Variants in SEMA3E observed in about 807,000 individuals in gnomAD.
SEMA3E encodes semaphorin-3E.
SEMA3E carries 49 observed loss-of-function variants against 93.6 expected under a neutral mutation model. The observed-to-expected ratio is 0.52, with a 90% CI of 0.42 to 0.66. The LOEUF (loss-of-function observed/expected upper bound fraction) is 0.66, where lower values mean the gene tolerates loss of function less well. Among genes scored for constraint, SEMA3E ranks in the 30% least tolerant of loss-of-function variants. The pLI, the probability that SEMA3E is intolerant of heterozygous loss-of-function variation, is 0.00. For synonymous variants in SEMA3E, 363 were observed against 330.7 expected, an observed-to-expected ratio of 1.10 and a Z score of -1.06; for missense variants, 906 against 964.8, an observed-to-expected ratio of 0.94 and a Z score of 0.81.
chr7:83,569,899 C>T (rs1470729074), intron 1 of SEMA3E, among the ~76,000 whole-genome samples: 3 of 152,126 alleles, frequency 2.0e-5, no homozygotes, highest in East Asian at 3.9e-4. Context: ...GAATACTCCA[C>T]CTAACAACCA....
In SEMA3E at chr7:83,561,319, T is replaced by C. The variant is rs11973500; in HGVS notation, c.116-71045A>G. ...TTATTCAAGTAAAAAATTATTCATC[T>C]TTCTATTCTCCATGTGCGATAAAAT... On this transcript the variant is annotated intron_variant, in intron 1 of 16. Transcript: ENST00000643230. Among the ~76,000 whole-genome samples the C allele has an allele frequency of 6.1e-3, 931 of 152,236 alleles. 9 individuals are homozygous for C. The highest frequency in any genetic ancestry group is 0.022 in the African/African-American group (896 of 41,562).
chr7:83,536,688 A>G (rs1791416528), intron 1 of SEMA3E, among the ~76,000 whole-genome samples: 1 of 152,158 alleles, frequency 6.6e-6, no homozygotes. Flanking sequence ...TAAAAAAACA[A>G]AACCAGACAA....
At chr7:83,605,476 G>C (rs1328364298) in intron 1 of SEMA3E, among the ~76,000 whole-genome samples, 4 of 151,142 alleles carry the variant, frequency 2.6e-5, no homozygotes, top group Admixed American at 2.6e-4. Flanking sequence ...TGTTGCCCAG[G>C]CTGGAGCACA....
intron 1 of SEMA3E, among the ~76,000 whole-genome samples, chr7:83,609,176 TACTC>T (rs1429488261): frequency 2.0e-5 from 3 of 152,016 alleles, no homozygotes; most frequent in Admixed American, 6.6e-5. Flanking sequence ...GTTCAAAAAA[TACTC>T]AATAGTACAA....
chr7:83,500,802 G>A lies in SEMA3E; in HGVS notation c.116-10528C>T, dbSNP rs540092095. On this transcript the variant is annotated intron_variant, in intron 1 of 16. Transcript: ENST00000643230. Reference sequence around the variant, plus strand: ...GATGGGGTTTCACCATGTTGGTCAGGCTGGTCTCGAACTCCTAACCTCAAG... The same window carrying A: ...GATGGGGTTTCACCATGTTGGTCAGACTGGTCTCGAACTCCTAACCTCAAG... 1.6e-3 allele frequency among the ~76,000 whole-genome samples: 244 copies of A among 151,930 alleles called. 2 individuals are homozygous for A. Among genetic ancestry groups the A allele is most frequent in the African/African-American group, 5.7e-3 (236 of 41,472 alleles).
chr7:83,574,474 G>A (rs201044216), intron 1 of SEMA3E, among the ~76,000 whole-genome samples: 1 of 52,102 alleles, frequency 1.9e-5, no homozygotes, highest in African/African-American at 1.6e-4. Flanking sequence ...AAAAAAAAGA[G>A]AGAGAGAGAC....
intron 5 of SEMA3E, among the ~76,000 whole-genome samples, chr7:83,410,438 T>A (rs2723041): frequency 6.6e-6 from 1 of 151,832 alleles, no homozygotes; most frequent in African/African-American, 2.4e-5. Flanking sequence ...ACTAAATGAC[T>A]ATTTAAATCT....
rs199791956 is a variant in SEMA3E, at chr7:83,427,206, TTC to T, written c.457-8725_457-8724del. ...TTCCTTCCTTCCTTTCCTTCTTTTT[TTC>T]TTTTTTCTTTCTTTCTTTCCTTCCT... On this transcript the variant is annotated intron_variant, in intron 4 of 16. Transcript: ENST00000643230. Among the ~76,000 whole-genome samples the T allele has an allele frequency of 7.9e-3, 1,208 of 152,142 alleles. 7 individuals carry two copies. The highest frequency in any genetic ancestry group is 0.013 in the Non-Finnish European group (916 of 67,970).
At chr7:83,370,555 T>C (rs916130218) in intron 16 of SEMA3E, among the ~76,000 whole-genome samples, 1 of 152,142 alleles carries the variant, frequency 6.6e-6, no homozygotes, top group African/African-American at 2.4e-5. Flanking sequence ...TCTTCCCTTT[T>C]TTTCTGTTTC....
intron 1 of SEMA3E, among the ~76,000 whole-genome samples, chr7:83,646,109 G>A (rs1794076557): frequency 6.6e-6 from 1 of 152,024 alleles, no homozygotes; most frequent in Admixed American, 6.6e-5. Flanking sequence ...TGGTCAGGCA[G>A]CGGTACAGAG....
Position 83,583,264 on chromosome 7 carries a change from G to A in SEMA3E, c.115+65164C>T, listed in dbSNP as rs114494778. Among the ~76,000 whole-genome samples the A allele has an allele frequency of 8.5e-3, 1,301 of 152,248 alleles. 12 individuals carry two copies. Among genetic ancestry groups the A allele is most frequent in the African/African-American group, 0.03 (1,240 of 41,554 alleles). ...TGATTGTACATATTTATGGGGTACAGTGTGATATTTTGATACATATATGCA... is the reference window on the plus strand; with the variant it reads ...TGATTGTACATATTTATGGGGTACAATGTGATATTTTGATACATATATGCA... On this transcript the variant is annotated intron_variant, in intron 1 of 16. Transcript: ENST00000643230.
intron 16 of SEMA3E, 92 bp downstream of exon 16, chr7:83,385,202 G>T: frequency 7.1e-7 from 1 of 1,413,088 alleles, no homozygotes; most frequent in Non-Finnish European, 9.9e-7. Context: ...ACAACAGCTA[G>T]CTTCATTTTT....
At chr7:83,512,113 C>A (rs1790837652) in intron 1 of SEMA3E, among the ~76,000 whole-genome samples, 1 of 151,778 alleles carries the variant, frequency 6.6e-6, no homozygotes, top group Non-Finnish European at 1.5e-5. Flanking sequence ...GGTTTTAGGC[C>A]CCTAAAGACA....
intron 1 of SEMA3E, among the ~76,000 whole-genome samples, chr7:83,552,836 A>G (rs953552731): frequency 2.0e-5 from 3 of 152,156 alleles, no homozygotes; most frequent in Non-Finnish European, 2.9e-5. Flanking sequence ...TAAGATATTT[A>G]TCAAGACAAT....
At chr7:83,414,707 G>A (rs879046495) in intron 5 of SEMA3E, among the ~76,000 whole-genome samples, 1 of 151,952 alleles carries the variant, frequency 6.6e-6, no homozygotes, top group South Asian at 2.1e-4. Context: ...ACTTTGAAAA[G>A]CATCCCTAAA....
At chr7:83,462,302 GTGGGTA>G (rs1395885981) in intron 4 of SEMA3E, 3 of 152,150 alleles carry the variant, frequency 2.0e-5, no homozygotes, top group Non-Finnish European at 4.4e-5. Flanking sequence ...CATAACTGTT[GTGGGTA>G]TTGACAGCTA....
chr7:83,618,337 TTA>T (rs1793471158), intron 1 of SEMA3E, among the ~76,000 whole-genome samples: 1 of 152,088 alleles, frequency 6.6e-6, no homozygotes, highest in Admixed American at 6.6e-5. Flanking sequence ...CGTGGAATCT[TTA>T]TCTTCTCTCT....
In SEMA3E at chr7:83,461,088, A is replaced by G. The variant is rs1789606814; in HGVS notation, c.456+5394T>C. ...GACAGTAGTTCCAAATAGCCAGAAA[A>G]TGGCACTCTGAATTTTTCCATCCTG... On this transcript the variant is annotated intron_variant, in intron 4 of 16. Transcript: ENST00000643230. Among the ~76,000 whole-genome samples, 4 of 152,228 alleles carry G rather than the reference A, an allele frequency of 2.6e-5. No homozygotes were observed. In the South Asian group the frequency reaches 8.3e-4, roughly 32 times the overall value.
chr7:83,400,582 CCT>C (rs1788218767), intron 10 of SEMA3E, among the ~76,000 whole-genome samples: 1 of 151,876 alleles, frequency 6.6e-6, no homozygotes, highest in Non-Finnish European at 1.5e-5. Context: ...CTGTTATTCC[CCT>C]CTTTATGTCC....
Sources: allele counts gnomAD v4.1 joint callset (sites outside exome capture counted in the v4.1 genomes callset), GRCh38; gene constraint gnomAD v4.1.1; transcripts MANE v1.5; gene names NCBI Gene and HGNC (gene_info 2026-07-23, HGNC 2026-07-21).